The following SEM1 variants were observed in gnomAD, a reference collection of about 807,000 sequenced individuals.
SEM1 encodes SEM1 26S proteasome subunit.
In SEM1, 3 loss-of-function variants were observed where a neutral mutation model predicts 12.7. The ratio of observed to expected loss-of-function variants is 0.24; its 90% CI spans 0.11 to 0.61. SEM1 has a LOEUF of 0.61. SEM1 is among the 20% of genes least tolerant of loss of function. SEM1 has a pLI of 0.88. For missense variants in SEM1, 59 were observed against 81.3 expected (o/e 0.73, Z 1.06); for synonymous variants, 30 against 27.8 (o/e 1.08, Z -0.25).
chr7:96,505,946 TTC>T (rs2117281930), intron 3 of SEM1, among the ~76,000 whole-genome samples: 1 of 144,620 alleles, frequency 6.9e-6, no homozygotes, highest in African/African-American at 2.6e-5. Flanking sequence ...ACTTGATTCT[TTC>T]TGTTTGTTTA....
downstream of SEM1, among the ~76,000 whole-genome samples, chr7:96,618,696 G>T (rs917616005): frequency 1.3e-5 from 2 of 151,794 alleles, no homozygotes; most frequent in African/African-American, 4.8e-5. Context: ...CACTTATTTT[G>T]TATTTCCTTC....
At chr7:96,484,693 C>A in intron 3 of SEM1, 3 of 404,894 alleles carry the variant, frequency 7.4e-6, no homozygotes, top group Non-Finnish European at 1.4e-5. Flanking sequence ...CACTCACTTA[C>A]CAAAAAGCGC....
At chr7:96,625,621 T>C (rs1408338826) in intron 2 of SEM1, among the ~76,000 whole-genome samples, 1 of 152,226 alleles carries the variant, frequency 6.6e-6, no homozygotes, top group African/African-American at 2.4e-5. Context: ...GAAGCAGTGC[T>C]ACTAAAACTT....
Position 96,505,803 on chromosome 7 carries a change from C to T in SEM1, c.*60+820G>A, listed in dbSNP as rs201275828. Among the ~76,000 whole-genome samples, 5 of 152,126 alleles carry T rather than the reference C, an allele frequency of 3.3e-5. No homozygotes were observed. In the South Asian group the frequency reaches 8.3e-4, roughly 25 times the overall value. On this transcript the variant is annotated intron_variant and NMD_transcript_variant, in intron 3 of 3. Coordinates refer to the SEM1 transcript ENST00000466986. ...TGGAGGCTTCTTAACCTAACCACCT[C>T]GCAAAACCCTCACCTCTTAACACCA...
At chr7:96,539,721 A>T (rs1427583004) in intron 2 of SEM1, among the ~76,000 whole-genome samples, 1 of 151,790 alleles carries the variant, frequency 6.6e-6, no homozygotes, top group Non-Finnish European at 1.5e-5. Flanking sequence ...AAAACTTTGG[A>T]TTCATTGCTG....
intron 2 of SEM1, among the ~76,000 whole-genome samples, chr7:96,582,140 C>T (rs1288101548): frequency 6.6e-5 from 10 of 151,298 alleles, no homozygotes; most frequent in East Asian, 1.9e-4. Flanking sequence ...TTTTGAAATA[C>T]GTCCCATCAA....
chr7:96,619,372 G>T (rs1157797232), downstream of SEM1, among the ~76,000 whole-genome samples: 1 of 151,830 alleles, frequency 6.6e-6, no homozygotes, highest in Non-Finnish European at 1.5e-5. Context: ...CAGGATCAGT[G>T]GTATCTGATT....
At chr7:96,694,948 C>T (rs1348349384) in intron 1 of SEM1, 57 bp from the exon 2 acceptor site, 1 of 1,344,898 alleles carries the variant, frequency 7.4e-7, no homozygotes, top group South Asian at 1.2e-5. Context: ...TCCACAATTA[C>T]AAAAACTTTG....
chr7:96,584,995 G>C (rs1014672572), intron 2 of SEM1, among the ~76,000 whole-genome samples: 3 of 151,640 alleles, frequency 2.0e-5, no homozygotes, highest in African/African-American at 7.3e-5. Flanking sequence ...ATCCAGCTTT[G>C]TTCCATTGCT....
At chr7:96,597,287 C>T (rs913008091) in intron 2 of SEM1, among the ~76,000 whole-genome samples, 1 of 152,010 alleles carries the variant, frequency 6.6e-6, no homozygotes, top group Non-Finnish European at 1.5e-5. Flanking sequence ...AAACAAAGGT[C>T]CCTGGCATTT....
chr7:96,605,434 T>A (rs1377970668), intron 2 of SEM1, among the ~76,000 whole-genome samples: 1 of 152,208 alleles, frequency 6.6e-6, no homozygotes, highest in Non-Finnish European at 1.5e-5. Context: ...ACTCTATTTT[T>A]GGCACTGGGT....
intron 1 of SEM1, among the ~76,000 whole-genome samples, chr7:96,489,129 G>A (rs1328598070): frequency 6.6e-6 from 1 of 152,162 alleles, no homozygotes; most frequent in African/African-American, 2.4e-5. Flanking sequence ...CACCAAGCAT[G>A]ATGTTGACAT....
At chr7:96,678,458 T>G (rs1420184419) in intron 2 of SEM1, among the ~76,000 whole-genome samples, 2 of 152,178 alleles carry the variant, frequency 1.3e-5, no homozygotes, top group Admixed American at 6.6e-5. Context: ...CCTAACTTAC[T>G]TGGTAGTATT....
chr7:96,485,270 T>G (rs1190371054), intron 2 of SEM1, among the ~76,000 whole-genome samples: 2 of 152,170 alleles, frequency 1.3e-5, no homozygotes, highest in African/African-American at 4.8e-5. Flanking sequence ...CTTAGTGGCT[T>G]AAAACAAGGC....
intron 2 of SEM1, among the ~76,000 whole-genome samples, chr7:96,531,777 G>A (rs1804651198): frequency 6.6e-6 from 1 of 151,944 alleles, no homozygotes; most frequent in African/African-American, 2.4e-5. Flanking sequence ...AGTTAATATG[G>A]CAAGAATCTA....
chr7:96,688,767 T>C lies in SEM1; in HGVS notation c.*157A>G. Reference sequence around the variant, plus strand: ...TTAAGACTTCTGAACCAAACCAAGATTATATCAAAACATTTATTTTTTGTG... The same window carrying C: ...TTAAGACTTCTGAACCAAACCAAGACTATATCAAAACATTTATTTTTTGTG... On this transcript the variant is annotated 3_prime_UTR_variant, in exon 3 of 3. Transcript: ENST00000248566. 1 of 589,716 alleles carries C rather than the reference T, an allele frequency of 1.7e-6. No individual in the cohort carries two copies. The highest frequency in any genetic ancestry group is 3.2e-5 in the East Asian group (1 of 31,446). The allele number at this position is 589,716 out of a possible 1,614,324, so 36.5% of individuals were successfully genotyped here.
downstream of SEM1, among the ~76,000 whole-genome samples, chr7:96,670,969 T>C (rs1042817264): frequency 5.3e-5 from 8 of 152,202 alleles, no homozygotes; most frequent in Admixed American, 4.6e-4. Flanking sequence ...TCCTCTTTGT[T>C]GATTCCACGA....
downstream of SEM1, among the ~76,000 whole-genome samples, chr7:96,668,520 G>C (rs568872225): frequency 6.6e-6 from 1 of 152,044 alleles, no homozygotes. Flanking sequence ...ATTCTAAAAA[G>C]GACTCAATGA....
intron 2 of SEM1, among the ~76,000 whole-genome samples, chr7:96,593,718 T>A (rs1806907937): frequency 6.6e-6 from 1 of 152,210 alleles, no homozygotes; most frequent in Admixed American, 6.5e-5. Flanking sequence ...ATTTTCCTTA[T>A]TTGCATTAGA....
Sources: gnomAD v4.1 joint callset for allele counts (sites outside exome capture counted in the v4.1 genomes callset) on GRCh38, gnomAD v4.1.1 for gene constraint, MANE v1.5 for transcripts, NCBI Gene and HGNC (gene_info 2026-07-23, HGNC 2026-07-21) for gene names.